The following EYS variants were observed in gnomAD, a reference collection of about 807,000 sequenced individuals.
The protein encoded by EYS is protein eyes shut homolog.
Under a neutral mutation model 282.1 loss-of-function variants are expected in EYS, and 250 were observed. The ratio of observed to expected loss-of-function variants is 0.89; its 90% CI spans 0.80 to 0.98. The LOEUF (loss-of-function observed/expected upper bound fraction) is 0.98, where lower values mean the gene tolerates loss of function less well. Among genes scored for constraint, EYS ranks in the 50% least tolerant of loss-of-function variants. The probability of loss-of-function intolerance (pLI) is 0.00; values close to 1 mark genes in which losing one functional copy is unlikely to be tolerated. For missense variants in EYS, 4,016 were observed against 3,709.0 expected, an observed-to-expected ratio of 1.08 and a Z score of -2.15; for synonymous variants, 1,355 against 1,282.9, an observed-to-expected ratio of 1.06 and a Z score of -1.20.
intron 36 of EYS, among the ~76,000 whole-genome samples, chr6:63,859,096 T>TG (rs1562063839): frequency 9.2e-5 from 11 of 119,254 alleles, no homozygotes; most frequent in South Asian, 2.8e-4. Context: ...TTTTTTTTTT[T>TG]TTTTTTTTTT....
chr6:64,587,314 C>A (rs952844594), intron 26 of EYS, among the ~76,000 whole-genome samples: 34 of 152,100 alleles, frequency 2.2e-4, no homozygotes, highest in African/African-American at 7.9e-4. Flanking sequence ...GAAATGATAG[C>A]ACTCAGTGGT....
chr6:64,253,390 T>G lies in EYS; in HGVS notation c.6192-22566A>C, dbSNP rs545409426. ...AGGCCCAGATTTAAATGTAAGTGTT[T>G]GAAAGTCACATCTTCTCATTGTAAG... On this transcript the variant is annotated intron_variant, in intron 30 of 42. Transcript: ENST00000503581. Among the ~76,000 whole-genome samples the G allele has an allele frequency of 6.6e-5, 10 of 152,304 alleles. No individual in the cohort carries two copies. The East Asian group carries it at 1.7e-3, about 27-fold the overall frequency.
intron 29 of EYS, among the ~76,000 whole-genome samples, chr6:64,346,697 TATA>T (rs1305697520): frequency 1.4e-4 from 21 of 151,662 alleles, no homozygotes; most frequent in African/African-American, 5.1e-4. Context: ...AAACTTAAAG[TATA>T]ATAATAATAA....
At chr6:64,548,882 G>C (rs1299606309) in intron 26 of EYS, among the ~76,000 whole-genome samples, 1 of 151,866 alleles carries the variant, frequency 6.6e-6, no homozygotes, top group Non-Finnish European at 1.5e-5. Context: ...AAACATCTGA[G>C]CTCCTTCCTC....
At chr6:65,127,273 T>TA (rs1775747278) in intron 12 of EYS, among the ~76,000 whole-genome samples, 1 of 152,012 alleles carries the variant, frequency 6.6e-6, no homozygotes, top group Non-Finnish European at 1.5e-5. Context: ...TTACACCTAG[T>TA]AGGGAAGAAT....
intron 22 of EYS, among the ~76,000 whole-genome samples, 171 bp downstream of exon 22, chr6:64,813,207 T>C (rs1338760140): frequency 6.6e-6 from 1 of 151,978 alleles, no homozygotes; most frequent in Non-Finnish European, 1.5e-5. Context: ...ATTTGGAAAA[T>C]ATAAACAATG....
At position 65,669,328 on chromosome 6, in the gene EYS, A is replaced by T. The variant is rs532091797; in HGVS notation, c.-447-29436T>A. ...ACTTGGAGCGAAGGCCCTTTTCTAGAGGCATAAGATTTAGTCATACAAAAA... is the reference window on the plus strand; with the variant it reads ...ACTTGGAGCGAAGGCCCTTTTCTAGTGGCATAAGATTTAGTCATACAAAAA... On this transcript the variant is annotated intron_variant, in intron 1 of 42. Coordinates refer to ENST00000503581, the MANE Select transcript of EYS (RefSeq NM_001142800.2). Among the ~76,000 whole-genome samples, 3 of 152,078 alleles carry T rather than the reference A, an allele frequency of 2.0e-5. No homozygotes were observed. In the South Asian group the frequency reaches 6.2e-4, roughly 31 times the overall value.
At chr6:65,500,445 G>A (rs1358082817) in intron 2 of EYS, among the ~76,000 whole-genome samples, 1 of 151,952 alleles carries the variant, frequency 6.6e-6, no homozygotes, top group African/African-American at 2.4e-5. Context: ...TATCATAATG[G>A]TGGTAAACTC....
At chr6:64,928,952 A>G (rs184940849) in intron 15 of EYS, among the ~76,000 whole-genome samples, 3 of 152,232 alleles carry the variant, frequency 2.0e-5, no homozygotes, top group East Asian at 3.9e-4. Context: ...GGCTTCAATA[A>G]CCGTAAGATA....
intron 5 of EYS, among the ~76,000 whole-genome samples, chr6:65,413,663 G>GC (rs1364279703): frequency 6.6e-6 from 1 of 151,922 alleles, no homozygotes; most frequent in Non-Finnish European, 1.5e-5. Flanking sequence ...TTCGAGACCA[G>GC]CCTGGCCAAT....
chr6:64,801,727 G>T lies in EYS; in HGVS notation c.3443+11651C>A, dbSNP rs9445382. Among the ~76,000 whole-genome samples, 437 of 152,118 alleles carry T rather than the reference G, an allele frequency of 2.9e-3. 1 individual carries two copies. Among genetic ancestry groups the T allele is most frequent in the African/African-American group, 0.01 (420 of 41,514 alleles). ...AAGAAAGAAAAAAGTACAAAGAAAA[G>T]ACAAAATCATACCATAATTTTATTC... On this transcript the variant is annotated intron_variant, in intron 22 of 42. Coordinates refer to ENST00000503581, the MANE Select transcript of EYS (RefSeq NM_001142800.2).
At chr6:63,984,195 A>C (rs548639017) in intron 35 of EYS, among the ~76,000 whole-genome samples, 188 bp downstream of exon 35, 2 of 151,894 alleles carry the variant, frequency 1.3e-5, no homozygotes, top group South Asian at 4.1e-4. Flanking sequence ...CTTGAGCTAC[A>C]ATATATACAT....
chr6:65,020,091 G>A (rs1772201799), intron 13 of EYS, among the ~76,000 whole-genome samples: 1 of 151,978 alleles, frequency 6.6e-6, no homozygotes, highest in Non-Finnish European at 1.5e-5. Context: ...GATTTGGGTG[G>A]GGAGACAGCC....
At chr6:64,752,342 T>A (rs1176746872) in intron 22 of EYS, among the ~76,000 whole-genome samples, 1 of 151,624 alleles carries the variant, frequency 6.6e-6, no homozygotes, top group East Asian at 1.9e-4. Context: ...GAGGAAAAAA[T>A]TATTGAAGGA....
chr6:64,401,337 T>C (rs1773531715), intron 28 of EYS, among the ~76,000 whole-genome samples: 1 of 152,116 alleles, frequency 6.6e-6, no homozygotes, highest in Non-Finnish European at 1.5e-5. Flanking sequence ...AGTATGTGTG[T>C]ATCTACTTTG....
intron 2 of EYS, among the ~76,000 whole-genome samples, chr6:65,575,326 C>CTAAATAAATAAATAAATAAATAAATAAA (rs71002320): frequency 7.0e-6 from 1 of 142,028 alleles, no homozygotes; most frequent in Non-Finnish European, 1.5e-5. Context: ...GACTTCCTCT[C>CTAAATAAATAAATAAATAAATAAATAAA]TAAATAAATA....
chr6:64,171,644 C>T (rs142556716), intron 31 of EYS, among the ~76,000 whole-genome samples: 168 of 152,006 alleles, frequency 1.1e-3, no homozygotes, highest in Non-Finnish European at 1.9e-3. Context: ...TTCCACTGCA[C>T]GTAACAAAAT....
chr6:63,922,055 T>A (rs1332297884), intron 35 of EYS, among the ~76,000 whole-genome samples: 1 of 152,130 alleles, frequency 6.6e-6, no homozygotes, highest in Non-Finnish European at 1.5e-5. Flanking sequence ...GGAAAGGCTG[T>A]GTGGAGCAAG....
intron 30 of EYS, among the ~76,000 whole-genome samples, chr6:64,278,113 G>A (rs1444515989): frequency 6.6e-6 from 1 of 152,114 alleles, no homozygotes; most frequent in Non-Finnish European, 1.5e-5. Flanking sequence ...TACAGCAGTT[G>A]AAAATGTAAT....
Sources: gnomAD v4.1 joint callset for allele counts (sites outside exome capture counted in the v4.1 genomes callset) on GRCh38, gnomAD v4.1.1 for gene constraint, MANE v1.5 for transcripts, NCBI Gene and HGNC (gene_info 2026-07-23, HGNC 2026-07-21) for gene names.